WWOX: variants seen among roughly 807,000 people sequenced by gnomAD.
The protein encoded by WWOX is WW domain-containing oxidoreductase.
Under a neutral mutation model 46.2 loss-of-function variants are expected in WWOX, and 69 were observed. The ratio of observed to expected loss-of-function variants is 1.49; its 90% confidence interval spans 1.23 to 1.82. The LOEUF is 1.82. WWOX is among the 40% of genes most tolerant of loss of function. WWOX has a pLI of 0.00. For synonymous variants in WWOX, 359 were observed against 202.6 expected, an observed-to-expected ratio of 1.77 and a Z score of -6.56; for missense variants, 919 against 542.6, an observed-to-expected ratio of 1.69 and a Z score of -6.89.
At chr16:78,575,037 A>T (rs1186569256) in intron 8 of WWOX, among the ~76,000 whole-genome samples, 3 of 2,552 alleles carry the variant, frequency 1.2e-3, no homozygotes, top group African/African-American at 5.4e-3. Flanking sequence ...ATATATATAT[A>T]TATATATATA....
chr16:78,669,649 G>T (rs187356028), intron 8 of WWOX, among the ~76,000 whole-genome samples: 1 of 152,140 alleles, frequency 6.6e-6, no homozygotes, highest in African/African-American at 2.4e-5. Context: ...ACACAAATAC[G>T]TCACTTGTTT....
intron 8 of WWOX, among the ~76,000 whole-genome samples, chr16:78,832,861 T>C (rs533059184): frequency 6.6e-6 from 1 of 152,288 alleles, no homozygotes; most frequent in Admixed American, 6.5e-5. Flanking sequence ...TTTATAATTA[T>C]TTCACCAGTG....
rs532909787 is a variant in WWOX, at chr16:78,955,742, A to G, written c.1057-255866A>G. Reference sequence around the variant, plus strand: ...CAATCATGGCAGCCTCAGCCTCCTAAACTCAAGCAGTTCTCCTGCCTCAGC... The same window carrying G: ...CAATCATGGCAGCCTCAGCCTCCTAGACTCAAGCAGTTCTCCTGCCTCAGC... On this transcript the variant is annotated intron_variant, in intron 8 of 8. Transcript: ENST00000566780. 9.6e-4 allele frequency among the ~76,000 whole-genome samples: 145 copies of G among 151,442 alleles called. 1 individual carries two copies. The highest frequency in any genetic ancestry group is 3.3e-3 in the African/African-American group (137 of 41,290).
intron 8 of WWOX, among the ~76,000 whole-genome samples, chr16:79,113,135 G>T (rs74715149): frequency 6.6e-6 from 1 of 152,214 alleles, no homozygotes; most frequent in African/African-American, 2.4e-5. Context: ...GTAATTACAC[G>T]TTGTGATAAG....
chr16:78,608,267 T>G (rs2045812158), intron 8 of WWOX, among the ~76,000 whole-genome samples: 1 of 152,102 alleles, frequency 6.6e-6, no homozygotes, highest in South Asian at 2.1e-4. Flanking sequence ...GCTGATACAG[T>G]CATGAGGTTC....
chr16:78,612,724 G>A (rs1261419850), intron 8 of WWOX, among the ~76,000 whole-genome samples: 1 of 152,076 alleles, frequency 6.6e-6, no homozygotes. Context: ...CCATCCTCCA[G>A]CCTCAGCCTC....
At chr16:78,708,828 A>AT (rs1178241113) in intron 8 of WWOX, among the ~76,000 whole-genome samples, 3 of 152,216 alleles carry the variant, frequency 2.0e-5, no homozygotes, top group Non-Finnish European at 4.4e-5. Flanking sequence ...TAAAAAAATT[A>AT]TTTTTCACAG....
intron 5 of WWOX, among the ~76,000 whole-genome samples, chr16:78,190,458 C>G (rs965875917): frequency 9.2e-5 from 14 of 152,170 alleles, no homozygotes. Context: ...CAGTCCTATC[C>G]AGTATACCTA....
At chr16:78,737,428 T>C (rs754463202) in intron 8 of WWOX, among the ~76,000 whole-genome samples, 4 of 152,084 alleles carry the variant, frequency 2.6e-5, no homozygotes, top group Non-Finnish European at 5.9e-5. Context: ...TGAGCCACAA[T>C]GCCCAGCCTT....
At chr16:78,949,476 C>G (rs1597193248) in intron 8 of WWOX, among the ~76,000 whole-genome samples, 2 of 152,192 alleles carry the variant, frequency 1.3e-5, no homozygotes, top group East Asian at 3.9e-4. Flanking sequence ...ACTCAGCTCC[C>G]TGCATTCAAT....
chr16:78,407,055 C>G (rs1007443200), intron 6 of WWOX, among the ~76,000 whole-genome samples: 3 of 152,194 alleles, frequency 2.0e-5, no homozygotes, highest in Admixed American at 6.5e-5. Flanking sequence ...CTTACCTGGA[C>G]TGAGGCAGCT....
At chr16:78,768,144 T>C (rs1259064766) in intron 8 of WWOX, among the ~76,000 whole-genome samples, 1 of 126,206 alleles carries the variant, frequency 7.9e-6, no homozygotes, top group Admixed American at 8.2e-5. Context: ...TGTCCCTTTT[T>C]TAGGCTGCGG....
intron 8 of WWOX, among the ~76,000 whole-genome samples, chr16:79,207,947 C>G (rs1263106300): frequency 1.3e-5 from 2 of 152,056 alleles, no homozygotes; most frequent in African/African-American, 2.4e-5. Flanking sequence ...CATTTTCATC[C>G]CAACACCGAG....
chr16:78,910,506 G>GT lies in WWOX; in HGVS notation c.1057-301087dup, dbSNP rs3085520. On this transcript the variant is annotated intron_variant, in intron 8 of 8. Transcript: ENST00000566780. ...TTAGCAGAGTGTATCAGGATCTTTTGTTTTTTTTTTTTTTTAAATTAAGGA... is the reference window on the plus strand; with the variant it reads ...TTAGCAGAGTGTATCAGGATCTTTTGTTTTTTTTTTTTTTTTAAATTAAGGA... Among the ~76,000 whole-genome samples the GT allele has an allele frequency of 1.8e-3, 268 of 147,748 alleles. 4 individuals are homozygous for GT. The highest frequency in any genetic ancestry group is 3.2e-3 in the African/African-American group (130 of 40,202).
At chr16:78,879,725 A>G (rs1218258134) in intron 8 of WWOX, among the ~76,000 whole-genome samples, 1 of 152,054 alleles carries the variant, frequency 6.6e-6, no homozygotes, top group Non-Finnish European at 1.5e-5. Flanking sequence ...TAAAAATACA[A>G]AATTAGCCAG....
chr16:78,928,516 G>T (rs896149737), intron 8 of WWOX, among the ~76,000 whole-genome samples: 1 of 152,044 alleles, frequency 6.6e-6, no homozygotes, highest in Non-Finnish European at 1.5e-5. Flanking sequence ...TTTTCTTGTT[G>T]TGAATATTTT....
intron 8 of WWOX, among the ~76,000 whole-genome samples, chr16:78,921,711 G>C (rs1455582474): frequency 2.0e-5 from 3 of 152,168 alleles, no homozygotes; most frequent in Non-Finnish European, 2.9e-5. Context: ...AGTAAGCAGA[G>C]TGTGTGTCTA....
chr16:79,188,094 G>A (rs2051055995), intron 8 of WWOX, among the ~76,000 whole-genome samples: 1 of 152,216 alleles, frequency 6.6e-6, no homozygotes, highest in Non-Finnish European at 1.5e-5. Flanking sequence ...GGGCAGTACA[G>A]TGTAGAGTCA....
At chr16:78,644,836 G>T (rs79158182) in intron 8 of WWOX, among the ~76,000 whole-genome samples, 5,720 of 152,232 alleles carry the variant, frequency 0.038, 331 homozygotes, top group African/African-American at 0.13. Context: ...TACACTAGTA[G>T]GTACAGCAGG....
Sources: gnomAD v4.1 joint callset for allele counts (sites outside exome capture counted in the v4.1 genomes callset) on GRCh38, gnomAD v4.1.1 for gene constraint, MANE v1.5 for transcripts, NCBI Gene and HGNC (gene_info 2026-07-23, HGNC 2026-07-21) for gene names.